ERI1: variants seen among roughly 807,000 people sequenced by gnomAD.
ERI1 encodes 3'-5' exoribonuclease 1.
In ERI1, 39 loss-of-function variants were observed where a neutral mutation model predicts 39.7. The ratio of observed to expected loss-of-function variants is 0.98; its 90% CI spans 0.76 to 1.28. The LOEUF (loss-of-function observed/expected upper bound fraction) is 1.28, where lower values mean the gene tolerates loss of function less well. Among genes scored for constraint, ERI1 ranks in the 50% most tolerant of loss-of-function variants. ERI1 has a pLI of 0.00. For missense variants in ERI1, 581 were observed against 416.9 expected, an observed-to-expected ratio of 1.39 and a Z score of -3.43; for synonymous variants, 204 against 149.6, an observed-to-expected ratio of 1.36 and a Z score of -2.65.
chr8:9,008,103 A>G lies in ERI1; in HGVS notation c.242A>G (p.Lys81Arg). 1 of 1,610,588 alleles carries G rather than the reference A, an allele frequency of 6.2e-7. No individual in the cohort carries two copies. Among genetic ancestry groups the G allele is most frequent in the Non-Finnish European group, 8.5e-7 (1 of 1,178,720 alleles). ...ITNGCINRMS[K>R]EELRAKLSEF... is the part of the protein sequence containing the mutation. ...AATGGCTGTATTAATAGAATGAGTA[A>G]GGAAGAACTCAGAGCTAAGCTTTCA... The change falls in exon 2 of 7, where the codon AAG becomes AGG. Residue 81 changes from lysine (K) to arginine (R), a missense_variant. Lys to Arg is a conservative substitution (Grantham distance 26, BLOSUM62 2). Coordinates refer to ENST00000250263, the MANE Select transcript of ERI1 (RefSeq NM_153332.4).
chr8:9,065,550 C>G (rs7387683), intron 3 of ERI1, among the ~76,000 whole-genome samples: 17,107 of 151,888 alleles, frequency 0.11, 1,085 homozygotes, highest in Middle Eastern at 0.15. Flanking sequence ...AAAAAATTAG[C>G]CAGGCGTAGT....
At chr8:9,068,808 ATTTTTTAAATTTTATTATTGGT>A (rs1436506024) in intron 3 of ERI1, among the ~76,000 whole-genome samples, 1 of 151,924 alleles carries the variant, frequency 6.6e-6, no homozygotes, top group Admixed American at 6.6e-5. Context: ...CTGTTTTTAA[ATTTTTTAAATTTTATTATTGGT>A]TTTTGAGACA....
At chr8:9,060,868 C>A (rs1435674600) in intron 3 of ERI1, among the ~76,000 whole-genome samples, 1 of 152,174 alleles carries the variant, frequency 6.6e-6, no homozygotes, top group Non-Finnish European at 1.5e-5. Flanking sequence ...ACCCCAGCTT[C>A]TTTTGGAAGT....
At chr8:9,027,149 A>ATGTGTG (rs140641752) in intron 6 of ERI1, among the ~76,000 whole-genome samples, 3 of 141,692 alleles carry the variant, frequency 2.1e-5, no homozygotes, top group Admixed American at 6.8e-5. Flanking sequence ...GTGTGTGTGT[A>ATGTGTG]TGTGTGTGTG....
At chr8:9,045,105 G>A (rs755156810) in intron 3 of ERI1, among the ~76,000 whole-genome samples, 4 of 151,734 alleles carry the variant, frequency 2.6e-5, no homozygotes, top group Non-Finnish European at 4.4e-5. Context: ...GCGTAGTGGC[G>A]GGCACCTGTA....
intron 6 of ERI1, among the ~76,000 whole-genome samples, chr8:9,026,172 A>G (rs1055285166): frequency 2.0e-5 from 3 of 152,220 alleles, no homozygotes; most frequent in African/African-American, 7.2e-5. Flanking sequence ...TTGGCCCTCA[A>G]AAAGTTTCGG....
intron 1 of ERI1, among the ~76,000 whole-genome samples, chr8:9,007,027 T>C (rs1025177399): frequency 6.6e-6 from 1 of 152,208 alleles, no homozygotes; most frequent in African/African-American, 2.4e-5. Context: ...GTACTAAATA[T>C]TTTTCAAAAT....
chr8:9,036,360 C>T (rs151270443), downstream of ERI1, among the ~76,000 whole-genome samples: 39 of 152,352 alleles, frequency 2.6e-4, no homozygotes, highest in East Asian at 6.9e-3. Flanking sequence ...TCTTCATCAC[C>T]TACCACCCTG....
chr8:9,018,214 C>A, intron 4 of ERI1, 83 bp from the exon 5 acceptor site: 1 of 681,422 alleles, frequency 1.5e-6, no homozygotes, highest in East Asian at 2.6e-5. Flanking sequence ...TGTTTCTTCC[C>A]CTCCAACTTA....
At chr8:9,018,165 A>C (rs370961187) in intron 4 of ERI1, 132 bp from the exon 5 acceptor site, 2 of 527,504 alleles carry the variant, frequency 3.8e-6, no homozygotes, top group Non-Finnish European at 6.9e-6. Context: ...GAGCTAAGCC[A>C]AGGAAACCAT....
chr8:9,021,266 G>A (rs773485997), intron 6 of ERI1, among the ~76,000 whole-genome samples: 1 of 152,168 alleles, frequency 6.6e-6, no homozygotes, highest in African/African-American at 2.4e-5. Flanking sequence ...CAGGTAGTCT[G>A]TCAGGTTTTC....
intron 3 of ERI1, among the ~76,000 whole-genome samples, chr8:9,084,090 G>C (rs7006077): frequency 0.096 from 14,600 of 152,102 alleles, 2,209 homozygotes; most frequent in African/African-American, 0.32. Context: ...GCCGTGCCCA[G>C]CCTAAAATTT....
At chr8:9,067,931 C>T (rs1798933271) in intron 3 of ERI1, among the ~76,000 whole-genome samples, 2 of 151,892 alleles carry the variant, frequency 1.3e-5, no homozygotes, top group South Asian at 2.1e-4. Flanking sequence ...AATACACACA[C>T]ACACACACAC....
intron 3 of ERI1, among the ~76,000 whole-genome samples, chr8:9,014,038 C>A (rs1000752758): frequency 2.0e-5 from 3 of 152,202 alleles, no homozygotes; most frequent in Non-Finnish European, 4.4e-5. Flanking sequence ...AAATACAAGT[C>A]ATTTCACCCC....
intron 3 of ERI1, among the ~76,000 whole-genome samples, chr8:9,047,880 C>A (rs146376386): frequency 5.2e-4 from 79 of 152,350 alleles, no homozygotes; most frequent in Non-Finnish European, 9.7e-4. Context: ...AGTGCACACA[C>A]GCCCACCAGG....
rs556702690 is a variant in ERI1 at position 9,007,935 on chromosome 8, CTTTTTTTTT to C, written c.109-14_109-6del. The C allele has an allele frequency of 2.8e-3, 2,731 of 967,504 alleles. 9 individuals carry two copies. In the African/African-American group the frequency reaches 0.033, roughly 12 times the overall value. The allele number at this position is 967,504 out of a possible 1,614,324, so 59.9% of individuals were successfully genotyped here. On this transcript the variant is annotated intron_variant, in intron 1 of 6. Transcript: ENST00000250263. Reference sequence around the variant, plus strand: ...GTTTGTACTAATTATAAACTACATCCTTTTTTTTTTTTTTTTTTTTTTTTTTTTTGGTAG... The same window carrying C: ...GTTTGTACTAATTATAAACTACATCCTTTTTTTTTTTTTTTTTTTTGGTAG...
At chr8:9,007,522 G>A (rs1368121517) in intron 1 of ERI1, among the ~76,000 whole-genome samples, 1 of 152,158 alleles carries the variant, frequency 6.6e-6, no homozygotes, top group Non-Finnish European at 1.5e-5. Context: ...GGGTGTAGGG[G>A]TCTGATACAC....
chr8:9,066,140 T>C (rs1463798071), intron 3 of ERI1, among the ~76,000 whole-genome samples: 2 of 152,198 alleles, frequency 1.3e-5, no homozygotes, highest in East Asian at 1.9e-4. Flanking sequence ...CCCTCTTCCT[T>C]GCCTCCACCT....
intron 2 of ERI1, among the ~76,000 whole-genome samples, chr8:9,009,446 C>A (rs1316320696): frequency 1.3e-5 from 2 of 152,152 alleles, no homozygotes; most frequent in African/African-American, 2.4e-5. Context: ...TTTTCTAATT[C>A]CAGTTTGTAT....
Sources: gnomAD v4.1 joint callset for allele counts (sites outside exome capture counted in the v4.1 genomes callset) on GRCh38, gnomAD v4.1.1 for gene constraint, MANE v1.5 for transcripts, NCBI Gene and HGNC (gene_info 2026-07-23, HGNC 2026-07-21) for gene names.